Variants in PCDH19 observed in about 807,000 individuals in gnomAD.
The protein encoded by PCDH19 is protocadherin 19, also known as protocadherin-19.
A neutral mutation model predicts 46.2 loss-of-function variants in PCDH19; 6 were observed. That is an observed-to-expected ratio of 0.13 (90% confidence interval 0.07 to 0.26). The LOEUF (loss-of-function observed/expected upper bound fraction) is 0.26, where lower values mean the gene tolerates loss of function less well. Ranked by LOEUF, PCDH19 falls within the 10% of genes least tolerant of loss-of-function variation. The probability of loss-of-function intolerance (pLI) is 1.00; values close to 1 mark genes in which losing one functional copy is unlikely to be tolerated. For missense variants in PCDH19, 740 were observed against 972.3 expected, an observed-to-expected ratio of 0.76 and a Z score of 3.18; for synonymous variants, 481 against 415.7, an observed-to-expected ratio of 1.16 and a Z score of -1.91.
At chrX:100,348,357 T>C (rs1353645835) in intron 4 of PCDH19, among the ~76,000 whole-genome samples, 1 of 83,759 alleles carries the variant, frequency 1.2e-5, no homozygotes, top group Non-Finnish European at 2.4e-5. Flanking sequence ...CCACACATTT[T>C]ACATTTAACA....
intron 5 of PCDH19, among the ~76,000 whole-genome samples, chrX:100,322,865 A>ATATATATATATATTTTTT: frequency 7.4e-5 from 4 of 54,414 alleles, no homozygotes; most frequent in African/African-American, 3.4e-4. Context: ...ATATATATAT[A>ATATATATATATATTTTTT]TTTTTGCAGC....
chrX:100,322,055 C>T (rs1443092280), intron 5 of PCDH19, among the ~76,000 whole-genome samples: 1 of 110,450 alleles, frequency 9.1e-6, no homozygotes, highest in East Asian at 2.8e-4. Context: ...TCCCAAATTG[C>T]TGGGATTACA....
At chrX:100,394,165 TCAA>T (rs1215149566) in intron 3 of PCDH19, among the ~76,000 whole-genome samples, 1 of 111,652 alleles carries the variant, frequency 9.0e-6, no homozygotes, top group Non-Finnish European at 1.9e-5. Flanking sequence ...AGACTCCGTC[TCAA>T]CAACAACAAC....
chrX:100,379,738 T>C (rs1298631657), intron 3 of PCDH19, among the ~76,000 whole-genome samples: 1 of 112,352 alleles, frequency 8.9e-6, no homozygotes, highest in Non-Finnish European at 1.9e-5. Context: ...AAGAGGCCCT[T>C]GACCTCCTAT....
rs750043738 is a variant in PCDH19, at chrX:100,407,893, G to A, written c.705C>T (p.Asn235=). 2.5e-6 allele frequency: 3 copies of A among 1,212,234 alleles called. No individual in the cohort carries two copies. Among genetic ancestry groups the A allele is most frequent in the Non-Finnish European group, 3.3e-6 (3 of 895,572 alleles). Residue 235 remains asparagine, a synonymous_variant, in exon 1 of 6, where the codon AAC becomes AAT. Coordinates refer to ENST00000373034, the MANE Select transcript of PCDH19 (RefSeq NM_001184880.2). ...CGTAGGTGGACTCGCTAAACACCGGGTTGTTGTCATTGGAGTCGGTCACCT... is the reference window on the plus strand; with the variant it reads ...CGTAGGTGGACTCGCTAAACACCGGATTGTTGTCATTGGAGTCGGTCACCT... ...SIKVTDSNDN[N]PVFSESTYAV...
intron 3 of PCDH19, among the ~76,000 whole-genome samples, chrX:100,363,856 C>CATGTGTGTGTGTGTGTGTGTGTGTGTGT (rs57620335): frequency 3.4e-5 from 3 of 88,992 alleles, no homozygotes; most frequent in Non-Finnish European, 6.4e-5. Context: ...AATGTGCGTG[C>CATGTGTGTGTGTGTGTGTGTGTGTGTGT]GTGTGTGTGT....
chrX:100,377,280 G>A (rs1927415395), intron 3 of PCDH19, among the ~76,000 whole-genome samples: 2 of 111,391 alleles, frequency 1.8e-5, no homozygotes, highest in Admixed American at 1.9e-4. Context: ...TGTTTTTAAT[G>A]TTTTCTTCCC....
Position 100,408,558 on chromosome X carries a change from T to G in PCDH19, c.40A>C (p.Ile14Leu). ...AGGGCGGCAGCCTGCGTCCACAGTA[T>G]GGCCAGCAGCAGCAGCACCGGCAGC... The part of the protein sequence containing the change: ...LLLPVLLLLA[I>L]LWTQAAALIN... Residue 14 changes from isoleucine (I) to leucine (L), a missense_variant, in exon 1 of 6, where the codon ATA becomes CTA. By Grantham distance (5) the Ile-to-Leu change is conservative. This residue lies in a region of PCDH19 where 81 missense variants were observed against 96.5 expected (regional missense o/e 0.84). Coordinates refer to ENST00000373034, the MANE Select transcript of PCDH19 (RefSeq NM_001184880.2). 1 of 1,190,513 alleles carries G rather than the reference T, an allele frequency of 8.4e-7. No individual in the cohort carries two copies. The highest frequency in any genetic ancestry group is 1.1e-6 in the Non-Finnish European group (1 of 889,472).
chrX:100,403,653 G>C lies in PCDH19; in HGVS notation c.2159C>G (p.Thr720Ser), dbSNP rs775927144. The change falls in exon 2 of 6, where the codon ACC becomes AGC. Residue 720 changes from threonine to serine, a missense_variant. Thr to Ser is a moderately conservative substitution (Grantham distance 58). Around this residue, in one of 5 missense-constraint regions of PCDH19, gnomAD observed 416 missense variants for 476.8 expected, o/e 0.87. Coordinates refer to ENST00000373034, the MANE Select transcript of PCDH19 (RefSeq NM_001184880.2). ...AAAACAGCCGAGGAGACAAGTGATG[G>C]TTAAACAATTACTGCAAAGGAATTT... ...IRTYNCSNCLTITCLLGCFIK... is the reference protein window; with the variant it reads ...IRTYNCSNCLSITCLLGCFIK... 1.4e-5 allele frequency: 17 copies of C among 1,201,508 alleles called. No individual in the cohort carries two copies. The highest frequency in any genetic ancestry group is 1.9e-5 in the Non-Finnish European group (17 of 890,507).
intron 5 of PCDH19, among the ~76,000 whole-genome samples, chrX:100,322,549 T>G (rs1222231068): frequency 9.1e-6 from 1 of 109,622 alleles, no homozygotes; most frequent in African/African-American, 3.3e-5. Flanking sequence ...TTTTGTTTTG[T>G]TTTTGCTTAG....
At position 100,310,723 on chromosome X, in the gene PCDH19, C is replaced by T. The variant is rs150676173; in HGVS notation, c.2849-13848G>A. ...GTGGGATACCTACAACATCTTGTCA[C>T]TTCTCTGAAGAGTTCAAATCAGTTA... On this transcript the variant is annotated intron_variant, in intron 5 of 5. Transcript: ENST00000373034. 6.8e-3 allele frequency among the ~76,000 whole-genome samples: 748 copies of T among 109,373 alleles called. 4 individuals carry two copies. Among genetic ancestry groups the T allele is most frequent in the African/African-American group, 0.023 (696 of 30,068 alleles). The allele number at this position is 109,373 out of a possible 115,157, so 95.0% of individuals were successfully genotyped here.
chrX:100,396,350 G>A (rs1928025602), intron 3 of PCDH19, among the ~76,000 whole-genome samples: 1 of 111,969 alleles, frequency 8.9e-6, no homozygotes, highest in African/African-American at 3.2e-5. Flanking sequence ...CAAGGTTAGG[G>A]AGAGAGAGGT....
intron 5 of PCDH19, among the ~76,000 whole-genome samples, chrX:100,310,496 C>A (rs1414344201): frequency 9.0e-6 from 1 of 110,885 alleles, no homozygotes; most frequent in Non-Finnish European, 1.9e-5. Flanking sequence ...AATAATCTGA[C>A]AAAGTGCTGG....
At chrX:100,297,763 C>T (rs1348916566) in intron 5 of PCDH19, among the ~76,000 whole-genome samples, 1 of 111,480 alleles carries the variant, frequency 9.0e-6, no homozygotes, top group Non-Finnish European at 1.9e-5. Context: ...AGGGTTAAAG[C>T]TTCAATCTGG....
chrX:100,320,694 C>T (rs1644517021), intron 5 of PCDH19, among the ~76,000 whole-genome samples: 1 of 110,490 alleles, frequency 9.1e-6, no homozygotes, highest in Non-Finnish European at 1.9e-5. Context: ...TCTAAAACAG[C>T]CCAGATCAGT....
In PCDH19 at chrX:100,291,650, T is replaced by G. The variant is rs1434506167; in HGVS notation, c.*4627A>C. On this transcript the variant is annotated 3_prime_UTR_variant, in exon 6 of 6. Coordinates refer to ENST00000373034, the MANE Select transcript of PCDH19 (RefSeq NM_001184880.2). ...CATTCCACCAAACACTCAATACTTT[T>G]TCCATAATAGCCTTTAATACTAAAA... The G allele has an allele frequency of 1.8e-5, 2 of 112,648 alleles. No homozygotes were observed. Among genetic ancestry groups the G allele is most frequent in the East Asian group, 5.6e-4 (2 of 3,577 alleles). 9.3% of individuals were successfully genotyped at this position (112,648 alleles called of 1,213,427 possible).
intron 5 of PCDH19, among the ~76,000 whole-genome samples, chrX:100,336,959 A>T (rs1263030691): frequency 9.0e-6 from 1 of 111,278 alleles, no homozygotes; most frequent in African/African-American, 3.3e-5. Context: ...ACATCATCAA[A>T]AATTGTTATG....
intron 3 of PCDH19, among the ~76,000 whole-genome samples, chrX:100,368,181 G>GT (rs969743688): frequency 1.8e-5 from 2 of 111,541 alleles, no homozygotes; most frequent in African/African-American, 6.5e-5. Context: ...GCCAGTAAAG[G>GT]TTTTCTCCAG....
chrX:100,346,079 A>G (rs1926388972), intron 4 of PCDH19, among the ~76,000 whole-genome samples: 1 of 112,163 alleles, frequency 8.9e-6, no homozygotes, highest in East Asian at 2.8e-4. Context: ...CCTGTTTCCA[A>G]TGGTATTGTA....
Sources: allele counts gnomAD v4.1 joint callset (sites outside exome capture counted in the v4.1 genomes callset), GRCh38; gene constraint gnomAD v4.1.1; regional missense constraint gnomAD v4.1.1; transcripts MANE v1.5; gene names NCBI Gene and HGNC (gene_info 2026-07-23, HGNC 2026-07-21).